IQCM: variants seen among roughly 807,000 people sequenced by gnomAD.
IQCM encodes the protein IQ motif containing M, also known as IQ domain-containing protein M.
IQCM carries 45 observed loss-of-function variants against 57.6 expected under a neutral mutation model. That is an observed-to-expected ratio of 0.78 (90% CI 0.62 to 1.00). The LOEUF (loss-of-function observed/expected upper bound fraction) is 1.00, where lower values mean the gene tolerates loss of function less well. Among genes scored for constraint, IQCM ranks in the 50% least tolerant of loss-of-function variants. The pLI is 0.00. For synonymous variants in IQCM, 148 were observed against 158.9 expected, an observed-to-expected ratio of 0.93 and a Z score of 0.51; for missense variants, 468 against 511.6, an observed-to-expected ratio of 0.91 and a Z score of 0.82.
intron 8 of IQCM, among the ~76,000 whole-genome samples, chr4:149,612,858 T>C (rs1755426047): frequency 1.3e-5 from 2 of 151,918 alleles, no homozygotes; most frequent in Admixed American, 6.6e-5. Flanking sequence ...CTCCTTACAG[T>C]AGGAAGAAAA....
intron 2 of IQCM, among the ~76,000 whole-genome samples, chr4:149,745,475 C>A (rs1767840541): frequency 6.6e-6 from 1 of 152,148 alleles, no homozygotes; most frequent in African/African-American, 2.4e-5. Flanking sequence ...GATGACCTAC[C>A]TTCTCACATT....
At chr4:149,743,649 A>C (rs1254026321) in intron 2 of IQCM, among the ~76,000 whole-genome samples, 1 of 152,098 alleles carries the variant, frequency 6.6e-6, no homozygotes, top group Non-Finnish European at 1.5e-5. Flanking sequence ...AGAATATTTA[A>C]ATGTTCAGTT....
At chr4:149,669,623 G>A (rs1579933489) in intron 7 of IQCM, among the ~76,000 whole-genome samples, 3 of 152,156 alleles carry the variant, frequency 2.0e-5, no homozygotes, top group Admixed American at 2.0e-4. Context: ...TAACATTTAA[G>A]TCTTTAATCC....
rs573478229 is a variant in IQCM at position 149,644,927 on chromosome 4, C to T, written c.566-23683G>A. Reference sequence around the variant, plus strand: ...AATTTTACTTGGCACCAGAAGTATACCAGCCTTCTGTATCCTCACCTACAC... The same window carrying T: ...AATTTTACTTGGCACCAGAAGTATATCAGCCTTCTGTATCCTCACCTACAC... On this transcript the variant is annotated intron_variant, in intron 7 of 13. Coordinates refer to ENST00000636793, the MANE Select transcript of IQCM (RefSeq NM_001363507.2). Among the ~76,000 whole-genome samples, 15 of 152,304 alleles carry T rather than the reference C, an allele frequency of 9.8e-5. No individual in the cohort carries two copies. The East Asian group carries it at 2.7e-3, about 27-fold the overall frequency.
intron 13 of IQCM, chr4:149,430,042 T>C: frequency 8.2e-7 from 1 of 1,224,150 alleles, no homozygotes; most frequent in Non-Finnish European, 1.0e-6. Flanking sequence ...GCAGAGAAAA[T>C]AAATAGCAGT....
At chr4:149,380,254 T>C (rs182285062) in intron 13 of IQCM, among the ~76,000 whole-genome samples, 125 of 152,150 alleles carry the variant, frequency 8.2e-4, no homozygotes, top group Middle Eastern at 3.4e-3. Context: ...GAAAAGATTA[T>C]TGTATTAGCA....
intron 2 of IQCM, among the ~76,000 whole-genome samples, chr4:149,755,364 T>C (rs113637524): frequency 2.0e-5 from 3 of 152,328 alleles, no homozygotes; most frequent in African/African-American, 7.2e-5. Context: ...TGTGGCTAGC[T>C]GACCTCATTT....
At chr4:149,480,028 C>A (rs1740609804) in intron 12 of IQCM, among the ~76,000 whole-genome samples, 1 of 152,140 alleles carries the variant, frequency 6.6e-6, no homozygotes, top group African/African-American at 2.4e-5. Flanking sequence ...AAGCCATTGT[C>A]CAATATTAAA....
intron 13 of IQCM, among the ~76,000 whole-genome samples, chr4:149,363,940 C>T (rs1053512434): frequency 6.6e-6 from 1 of 152,126 alleles, no homozygotes. Context: ...AAAAGTAATG[C>T]TTCTACTGGA....
At chr4:149,481,088 AT>A (rs970436589) in intron 12 of IQCM, among the ~76,000 whole-genome samples, 1 of 151,920 alleles carries the variant, frequency 6.6e-6, no homozygotes, top group Admixed American at 6.6e-5. Flanking sequence ...TTTTTTGCCC[AT>A]TTTTTATTAG....
At chr4:149,588,073 G>A (rs984280655) in intron 8 of IQCM, 76 bp from the exon 9 acceptor site, 8 of 528,506 alleles carry the variant, frequency 1.5e-5, no homozygotes, top group East Asian at 3.6e-5. Context: ...TTCCATTGAC[G>A]TTCTGTTATA....
rs576898277 is a variant in IQCM, at chr4:149,351,859, C to A, written c.*92G>T. ...TATTCAAAGATTTTTATCCTTTCTTCCTACTCATACAGAATTGATCCACCT... is the reference window on the plus strand; with the variant it reads ...TATTCAAAGATTTTTATCCTTTCTTACTACTCATACAGAATTGATCCACCT... On this transcript the variant is annotated 3_prime_UTR_variant, in exon 14 of 14. Transcript: ENST00000636793. 198 of 396,764 alleles carry A rather than the reference C, an allele frequency of 5.0e-4. No homozygotes were observed. Among genetic ancestry groups the A allele is most frequent in the Non-Finnish European group, 8.2e-4 (184 of 225,114 alleles). The allele number at this position is 396,764 out of a possible 1,614,324, so 24.6% of individuals were successfully genotyped here. A position where few individuals can be genotyped will look rare whatever the true frequency, so the allele number is the denominator to read the frequency against.
chr4:149,445,775 G>A (rs1018481691), intron 12 of IQCM, among the ~76,000 whole-genome samples: 13 of 151,730 alleles, frequency 8.6e-5, no homozygotes, highest in Admixed American at 2.6e-4. Flanking sequence ...TTAAAGGGAC[G>A]TTTATGTTTC....
intron 2 of IQCM, among the ~76,000 whole-genome samples, chr4:149,761,203 A>G (rs1273690241): frequency 6.6e-6 from 1 of 152,142 alleles, no homozygotes. Context: ...ATTACTAAAT[A>G]CTTAAAAAAT....
intron 12 of IQCM, among the ~76,000 whole-genome samples, chr4:149,493,572 T>A (rs990167009): frequency 6.6e-6 from 1 of 152,208 alleles, no homozygotes; most frequent in South Asian, 2.1e-4. Context: ...GAGAGCAATC[T>A]CCTGTGTTTG....
At chr4:149,496,102 A>C (rs1742630028) in intron 12 of IQCM, among the ~76,000 whole-genome samples, 1 of 152,092 alleles carries the variant, frequency 6.6e-6, no homozygotes, top group Non-Finnish European at 1.5e-5. Flanking sequence ...TGTGCAATAA[A>C]GTCTTCTCTA....
chr4:149,742,490 G>C (rs1767549381), intron 3 of IQCM, among the ~76,000 whole-genome samples, 165 bp downstream of exon 3: 1 of 152,090 alleles, frequency 6.6e-6, no homozygotes, highest in South Asian at 2.1e-4. Flanking sequence ...AAGTTAAAAA[G>C]ATCTCTCAAA....
chr4:149,736,071 C>T (rs1203626562), intron 3 of IQCM, among the ~76,000 whole-genome samples: 2 of 151,738 alleles, frequency 1.3e-5, no homozygotes, highest in African/African-American at 2.4e-5. Flanking sequence ...CCTCAGCCTT[C>T]TGAGTATCTG....
At chr4:149,431,357 A>AT (rs1342109199) in intron 13 of IQCM, among the ~76,000 whole-genome samples, 3 of 151,946 alleles carry the variant, frequency 2.0e-5, no homozygotes, top group African/African-American at 7.2e-5. Context: ...AACTTTAGCC[A>AT]TTTTTGTAGA....
Sources: gnomAD v4.1 joint callset for allele counts (sites outside exome capture counted in the v4.1 genomes callset) on GRCh38, gnomAD v4.1.1 for gene constraint, MANE v1.5 for transcripts, NCBI Gene and HGNC (gene_info 2026-07-23, HGNC 2026-07-21) for gene names.